IL1RAPL2: variants seen among roughly 807,000 people sequenced by gnomAD.
The protein encoded by IL1RAPL2 is interleukin 1 receptor accessory protein like 2, also known as X-linked interleukin-1 receptor accessory protein-like 2.
Under a neutral mutation model 44.1 loss-of-function variants are expected in IL1RAPL2, and 3 were observed. The ratio of observed to expected loss-of-function variants is 0.07; its 90% CI spans 0.03 to 0.18. IL1RAPL2 has a LOEUF of 0.18. IL1RAPL2 is among the 10% of genes least tolerant of loss of function. The pLI, the probability that IL1RAPL2 is intolerant of heterozygous loss-of-function variation, is 1.00. For synonymous variants in IL1RAPL2, 181 were observed against 178.8 expected (o/e 1.01, Z -0.10); for missense variants, 391 against 496.4 (o/e 0.79, Z 2.02).
At chrX:104,921,238 C>T (rs1406237580) in intron 2 of IL1RAPL2, among the ~76,000 whole-genome samples, 1 of 105,875 alleles carries the variant, frequency 9.4e-6, no homozygotes, top group African/African-American at 3.5e-5. Flanking sequence ...TCTGAGCTCC[C>T]CCACCCCCAC....
At chrX:105,495,831 G>C (rs1187780234) in intron 6 of IL1RAPL2, among the ~76,000 whole-genome samples, 1 of 111,284 alleles carries the variant, frequency 9.0e-6, no homozygotes, top group Non-Finnish European at 1.9e-5. Context: ...ACAACCATCT[G>C]AGTGGACTCC....
At chrX:105,417,415 G>T (rs980731653) in intron 5 of IL1RAPL2, among the ~76,000 whole-genome samples, 1 of 112,755 alleles carries the variant, frequency 8.9e-6, no homozygotes, top group African/African-American at 3.2e-5. Context: ...AGAGGTTGCA[G>T]CGAGCCAAGA....
At chrX:104,603,368 A>T (rs1432360252) in intron 1 of IL1RAPL2, among the ~76,000 whole-genome samples, 2 of 111,982 alleles carry the variant, frequency 1.8e-5, no homozygotes, top group East Asian at 5.6e-4. Flanking sequence ...AAATGGCTGA[A>T]AATTCCAAAA....
intron 6 of IL1RAPL2, among the ~76,000 whole-genome samples, chrX:105,515,534 T>C (rs970029353): frequency 9.0e-5 from 10 of 111,027 alleles, no homozygotes; most frequent in Non-Finnish European, 1.7e-4. Context: ...TTACCAACTG[T>C]CAGGTCAGGG....
At chrX:105,321,290 A>G (rs1476616368) in intron 5 of IL1RAPL2, among the ~76,000 whole-genome samples, 1 of 111,841 alleles carries the variant, frequency 8.9e-6, no homozygotes, top group African/African-American at 3.3e-5. Flanking sequence ...TGAAGCTCAG[A>G]GAGGGGAAAT....
intron 5 of IL1RAPL2, among the ~76,000 whole-genome samples, chrX:105,455,377 C>T (rs766792427): frequency 9.0e-6 from 1 of 111,570 alleles, no homozygotes; most frequent in Non-Finnish European, 1.9e-5. Flanking sequence ...TTGGCATTCT[C>T]ATCATGAAAT....
At chrX:104,933,473 C>A in intron 2 of IL1RAPL2, among the ~76,000 whole-genome samples, 1 of 111,282 alleles carries the variant, frequency 9.0e-6, no homozygotes, top group Admixed American at 9.6e-5. Context: ...TATGCTTGAG[C>A]ACTACTACTT....
intron 2 of IL1RAPL2, among the ~76,000 whole-genome samples, chrX:104,801,780 AT>A (rs1448670647): frequency 8.9e-6 from 1 of 111,761 alleles, no homozygotes; most frequent in Non-Finnish European, 1.9e-5. Flanking sequence ...GCCTTTCTTT[AT>A]AGTTTCTCTT....
At chrX:104,650,512 T>A (rs1466841088) in intron 1 of IL1RAPL2, among the ~76,000 whole-genome samples, 2 of 111,300 alleles carry the variant, frequency 1.8e-5, no homozygotes, top group Non-Finnish European at 3.8e-5. Flanking sequence ...TCAGGCCGAC[T>A]GATGCTGTAG....
intron 2 of IL1RAPL2, among the ~76,000 whole-genome samples, chrX:104,874,279 CCTCT>C (rs59789265): frequency 0.013 from 1,014 of 76,240 alleles, 9 homozygotes; most frequent in East Asian, 0.038. Flanking sequence ...TGTCTGTATT[CCTCT>C]CTCTCTCTCT....
intron 4 of IL1RAPL2, among the ~76,000 whole-genome samples, chrX:105,266,247 G>T (rs1158324106): frequency 9.1e-6 from 1 of 110,223 alleles, no homozygotes; most frequent in African/African-American, 3.3e-5. Flanking sequence ...TTACCATGTT[G>T]GCCAGGCTGG....
intron 1 of IL1RAPL2, among the ~76,000 whole-genome samples, chrX:104,650,538 A>T (rs1424103719): frequency 9.0e-6 from 1 of 111,384 alleles, no homozygotes; most frequent in Non-Finnish European, 1.9e-5. Context: ...CACTGCTACT[A>T]GATTGATTAC....
intron 2 of IL1RAPL2, among the ~76,000 whole-genome samples, chrX:104,869,633 T>A (rs1446957734): frequency 8.9e-6 from 1 of 112,053 alleles, no homozygotes; most frequent in Non-Finnish European, 1.9e-5. Flanking sequence ...TGTATGCATA[T>A]GCCATGTTGG....
intron 2 of IL1RAPL2, among the ~76,000 whole-genome samples, chrX:104,909,945 C>A (rs993670403): frequency 8.9e-6 from 1 of 112,391 alleles, no homozygotes; most frequent in African/African-American, 3.2e-5. Flanking sequence ...GGCGCCCCTC[C>A]GCCAGCCTCG....
chrX:104,826,100 G>A (rs1250699170), intron 2 of IL1RAPL2, among the ~76,000 whole-genome samples: 1 of 111,748 alleles, frequency 8.9e-6, no homozygotes, highest in East Asian at 2.8e-4. Flanking sequence ...TATTTCTGAG[G>A]ATACTATTTA....
intron 2 of IL1RAPL2, among the ~76,000 whole-genome samples, chrX:104,746,088 G>A (rs193132515): frequency 3.2e-4 from 36 of 111,746 alleles, no homozygotes; most frequent in Non-Finnish European, 5.9e-4. Context: ...TTTTACAATG[G>A]TAAGAAAACA....
chrX:105,462,622 T>A (rs1407050500), intron 5 of IL1RAPL2, among the ~76,000 whole-genome samples: 4 of 111,292 alleles, frequency 3.6e-5, no homozygotes, highest in Non-Finnish European at 7.6e-5. Flanking sequence ...TTAAAATGGC[T>A]ATTGAAAAAT....
intron 2 of IL1RAPL2, among the ~76,000 whole-genome samples, chrX:105,132,162 GA>G (rs764917479): frequency 5.4e-4 from 49 of 90,281 alleles, no homozygotes; most frequent in Non-Finnish European, 5.0e-4. Context: ...AAAGAATCAA[GA>G]AAAAAAAAAA....
intron 6 of IL1RAPL2, among the ~76,000 whole-genome samples, chrX:105,584,282 A>G (rs888163845): frequency 1.8e-5 from 2 of 111,284 alleles, no homozygotes; most frequent in Admixed American, 9.6e-5. Flanking sequence ...TTGTAGCTCT[A>G]TTATTTAGTG....
Sources: gnomAD v4.1 joint callset for allele counts (sites outside exome capture counted in the v4.1 genomes callset) on GRCh38, gnomAD v4.1.1 for gene constraint, MANE v1.5 for transcripts, NCBI Gene and HGNC (gene_info 2026-07-23, HGNC 2026-07-21) for gene names.